The following KAZN variants were observed in gnomAD, a reference collection of about 807,000 sequenced individuals.
The protein encoded by KAZN is kazrin, periplakin interacting protein.
In KAZN, 40 loss-of-function variants were observed where a neutral mutation model predicts 87.4. The observed-to-expected ratio is 0.46, with a 90% CI of 0.36 to 0.60. The LOEUF (loss-of-function observed/expected upper bound fraction) is 0.60. Among genes scored for constraint, KAZN ranks in the 20% least tolerant of loss-of-function variants. KAZN has a pLI of 0.00. For synonymous variants in KAZN, 466 were observed against 458.3 expected, an observed-to-expected ratio of 1.02 and a Z score of -0.22; for missense variants, 898 against 1,073.9, an observed-to-expected ratio of 0.84 and a Z score of 2.29.
intron 1 of KAZN, among the ~76,000 whole-genome samples, chr1:14,086,518 G>C (rs552655031): frequency 1.3e-5 from 2 of 152,064 alleles, no homozygotes; most frequent in African/African-American, 2.4e-5. Context: ...AATATTAAAA[G>C]GTTTTAATTT....
intron 2 of KAZN, among the ~76,000 whole-genome samples, chr1:14,435,496 GT>G (rs1666329628): frequency 2.6e-5 from 4 of 152,214 alleles, no homozygotes; most frequent in Admixed American, 6.5e-5. Context: ...CACCTGGCCA[GT>G]TTTCCCAGCT....
chr1:13,932,125 T>A (rs1459014636), intron 1 of KAZN, among the ~76,000 whole-genome samples: 1 of 151,812 alleles, frequency 6.6e-6, no homozygotes, highest in Non-Finnish European at 1.5e-5. Context: ...CCCAAAGTGC[T>A]AGTATTACAG....
intron 2 of KAZN, among the ~76,000 whole-genome samples, chr1:14,561,408 G>A (rs943743716): frequency 2.0e-5 from 3 of 152,180 alleles, no homozygotes; most frequent in Non-Finnish European, 4.4e-5. Context: ...TAAAGAAAAT[G>A]ATGATTGAAA....
At position 13,948,318 on chromosome 1, in the gene KAZN, C is replaced by T. The variant is rs1424926956; in HGVS notation, c.91+54562C>T. Among the ~76,000 whole-genome samples, 5 of 152,076 alleles carry T rather than the reference C, an allele frequency of 3.3e-5. No homozygotes were observed. The East Asian group carries it at 9.7e-4, about 29-fold the overall frequency. ...GGTGGAGATAATTGAATCATGGGGG[C>T]GGTTTTCCCTATGCTGTTCCCCTGA... is the stretch of plus-strand genomic sequence containing the variant. On this transcript the variant is annotated intron_variant, in intron 1 of 16. Coordinates refer to the KAZN transcript ENST00000636203.
At chr1:14,126,305 A>T (rs886152571) in intron 1 of KAZN, among the ~76,000 whole-genome samples, 1 of 152,110 alleles carries the variant, frequency 6.6e-6, no homozygotes, top group Non-Finnish European at 1.5e-5. Flanking sequence ...CAACAGGAAA[A>T]GGCCTCGCAT....
intron 2 of KAZN, among the ~76,000 whole-genome samples, chr1:14,589,731 C>A (rs563345086): frequency 1.3e-5 from 2 of 152,158 alleles, no homozygotes; most frequent in Non-Finnish European, 2.9e-5. Flanking sequence ...AGTCTTCATT[C>A]CTCTGGTCTT....
At chr1:14,681,143 A>G (rs1269873927) in intron 1 of KAZN, among the ~76,000 whole-genome samples, 1 of 152,120 alleles carries the variant, frequency 6.6e-6, no homozygotes. Context: ...ATCCGCCCCC[A>G]TGATCCAAAC....
intron 1 of KAZN, among the ~76,000 whole-genome samples, chr1:13,969,079 A>T (rs1642045129): frequency 6.6e-6 from 1 of 152,214 alleles, no homozygotes; most frequent in Non-Finnish European, 1.5e-5. Context: ...AATTCAGTAT[A>T]TGCCATGTGC....
At chr1:14,894,447 G>T (rs1302936498) in intron 1 of KAZN, among the ~76,000 whole-genome samples, 1 of 152,216 alleles carries the variant, frequency 6.6e-6, no homozygotes, top group African/African-American at 2.4e-5. Flanking sequence ...TCCTCACTGT[G>T]TTAGGGTCCC....
chr1:14,206,974 T>A (rs1326751392), intron 2 of KAZN, among the ~76,000 whole-genome samples: 5 of 151,528 alleles, frequency 3.3e-5, no homozygotes, highest in Non-Finnish European at 7.4e-5. Context: ...TCTTTCTTTT[T>A]TTTTTTGAGA....
intron 2 of KAZN, among the ~76,000 whole-genome samples, chr1:14,446,100 G>A (rs12091305): frequency 0.1 from 15,462 of 152,052 alleles, 2,154 homozygotes; most frequent in African/African-American, 0.31. Flanking sequence ...GGAGACTGAG[G>A]CTGGAGGATT....
chr1:14,617,903 A>C (rs1557840273), intron 1 of KAZN, among the ~76,000 whole-genome samples: 1 of 152,154 alleles, frequency 6.6e-6, no homozygotes, highest in African/African-American at 2.4e-5. Context: ...GGCAGAAGGG[A>C]CTTCCCAAGT....
At chr1:14,269,161 T>A (rs1160630000) in intron 2 of KAZN, among the ~76,000 whole-genome samples, 1 of 152,172 alleles carries the variant, frequency 6.6e-6, no homozygotes, top group East Asian at 1.9e-4. Context: ...GGGTGAAAAT[T>A]GCTTCTTGGA....
chr1:13,975,979 T>C (rs186348789), intron 1 of KAZN, among the ~76,000 whole-genome samples: 1 of 152,352 alleles, frequency 6.6e-6, no homozygotes, highest in East Asian at 1.9e-4. Context: ...TCTAGGACAA[T>C]TAATTTTGTT....
chr1:14,261,181 C>T (rs1306170425), intron 2 of KAZN, among the ~76,000 whole-genome samples: 1 of 152,196 alleles, frequency 6.6e-6, no homozygotes, highest in Non-Finnish European at 1.5e-5. Flanking sequence ...CCTGGCTCAG[C>T]CCCTTACTAT....
At chr1:14,898,772 G>A (rs971702127) in intron 1 of KAZN, among the ~76,000 whole-genome samples, 4 of 152,114 alleles carry the variant, frequency 2.6e-5, no homozygotes, top group East Asian at 1.9e-4. Flanking sequence ...CTAAGAGGGC[G>A]GGACTTATCG....
At chr1:14,673,771 C>T (rs559383376) in intron 1 of KAZN, among the ~76,000 whole-genome samples, 1 of 152,318 alleles carries the variant, frequency 6.6e-6, no homozygotes, top group South Asian at 2.1e-4. Context: ...CGCCGGTCAA[C>T]CCCTTCCCCT....
intron 2 of KAZN, chr1:14,223,070 A>G (rs995070781): frequency 9.8e-5 from 15 of 152,336 alleles, no homozygotes; most frequent in South Asian, 8.3e-4. Context: ...AGAGGCAGAC[A>G]TGGAAGGTGC....
At chr1:14,939,485 G>T (rs1039563305) in intron 1 of KAZN, among the ~76,000 whole-genome samples, 3 of 151,826 alleles carry the variant, frequency 2.0e-5, no homozygotes, top group Non-Finnish European at 4.4e-5. Flanking sequence ...TGTTGCCCAG[G>T]CTGGTCTCGA....
Sources: allele counts gnomAD v4.1 joint callset (sites outside exome capture counted in the v4.1 genomes callset), GRCh38; gene constraint gnomAD v4.1.1; transcripts MANE v1.5; gene names NCBI Gene and HGNC (gene_info 2026-07-23, HGNC 2026-07-21).